Variants in RETREG1 observed in about 807,000 individuals in gnomAD.
RETREG1 encodes the protein family with sequence similarity 134 member B.
A neutral mutation model predicts 54.8 loss-of-function variants in RETREG1; 44 were observed. That is an observed-to-expected ratio of 0.80 (90% CI 0.63 to 1.03). The LOEUF is 1.03. Among genes scored for constraint, RETREG1 ranks in the 50% least tolerant of loss-of-function variants. The pLI is 0.00. For synonymous variants in RETREG1, 217 were observed against 238.5 expected (o/e 0.91, Z 0.83); for missense variants, 554 against 605.1 (o/e 0.92, Z 0.89).
At position 16,561,755 on chromosome 5, in the gene RETREG1, A is replaced by G. The variant is rs1741862685; in HGVS notation, c.458+4008T>C. On this transcript the variant is annotated intron_variant, in intron 3 of 8. Transcript: ENST00000306320. The surrounding 1 kb of genome is among the most constrained non-coding windows in gnomAD (Gnocchi z 4.2). Reference sequence around the variant, plus strand: ...TAAACACTCAAACAGCTTCTGTATTAAGAGACAGCACAGCAGAAATTCTCA... The same window carrying G: ...TAAACACTCAAACAGCTTCTGTATTGAGAGACAGCACAGCAGAAATTCTCA... Among the ~76,000 whole-genome samples, 1 of 152,206 alleles carries G rather than the reference A, an allele frequency of 6.6e-6. No homozygotes were observed. Among genetic ancestry groups the G allele is most frequent in the Admixed American group, 6.5e-5 (1 of 15,284 alleles).
chr5:16,573,742 G>GTTTTTT (rs34651832), intron 1 of RETREG1, among the ~76,000 whole-genome samples: 6 of 126,530 alleles, frequency 4.7e-5, no homozygotes, highest in African/African-American at 1.5e-4. Flanking sequence ...TTTGTTTTTT[G>GTTTTTT]TTTTTTTTTT....
chr5:16,552,940 C>T (rs1741585034), intron 3 of RETREG1, among the ~76,000 whole-genome samples: 1 of 152,154 alleles, frequency 6.6e-6, no homozygotes. Flanking sequence ...GGCAGCCAGC[C>T]CTAGAACAGG....
intron 1 of RETREG1, among the ~76,000 whole-genome samples, chr5:16,610,172 C>A (rs1042425248): frequency 2.0e-5 from 3 of 152,178 alleles, no homozygotes; most frequent in Non-Finnish European, 4.4e-5. Context: ...TTGAACCCTG[C>A]AACCTTCCAA....
In RETREG1 at chr5:16,611,784, G is replaced by A. The variant is rs577291086; in HGVS notation, c.320+4868C>T. ...CAGAGATGAATCACAAAACTACGCT[G>A]AGTAAGCAAAGCCAGACACAAAAGA... On this transcript the variant is annotated intron_variant, in intron 1 of 8. Coordinates refer to ENST00000306320, the MANE Select transcript of RETREG1 (RefSeq NM_001034850.3). Among the ~76,000 whole-genome samples the A allele has an allele frequency of 2.0e-5, 3 of 152,322 alleles. No individual in the cohort carries two copies. The South Asian group carries it at 6.2e-4, about 32-fold the overall frequency.
At chr5:16,510,803 GAACAAC>G (rs1380194626) in intron 3 of RETREG1, among the ~76,000 whole-genome samples, 5 of 73,500 alleles carry the variant, frequency 6.8e-5, no homozygotes, top group African/African-American at 2.6e-4. Flanking sequence ...AAAACAACAA[GAACAAC>G]AACAACAACA....
chr5:16,562,620 G>A (rs1741888793), intron 3 of RETREG1, among the ~76,000 whole-genome samples: 1 of 152,120 alleles, frequency 6.6e-6, no homozygotes, highest in Non-Finnish European at 1.5e-5. Context: ...TTGTACCCTT[G>A]ATAGGATGAT....
At chr5:16,596,403 T>G (rs1008128777) in intron 1 of RETREG1, among the ~76,000 whole-genome samples, 5 of 152,148 alleles carry the variant, frequency 3.3e-5, no homozygotes, top group Non-Finnish European at 7.3e-5. Context: ...GCAAAACACA[T>G]GCAAAAGCTG....
intron 1 of RETREG1, among the ~76,000 whole-genome samples, chr5:16,611,243 A>G (rs1329278532): frequency 2.0e-5 from 3 of 152,122 alleles, no homozygotes; most frequent in Non-Finnish European, 4.4e-5. Flanking sequence ...ATCACACACC[A>G]GGGCCTGTCA....
At chr5:16,512,897 AG>A (rs1740223657) in intron 3 of RETREG1, among the ~76,000 whole-genome samples, 1 of 152,090 alleles carries the variant, frequency 6.6e-6, no homozygotes, top group Non-Finnish European at 1.5e-5. Flanking sequence ...CGGGATTCAA[AG>A]TAGACCTCTA....
chr5:16,565,518 CAT>C (rs1741980647), intron 3 of RETREG1, among the ~76,000 whole-genome samples: 2 of 152,134 alleles, frequency 1.3e-5, no homozygotes, highest in African/African-American at 4.8e-5. Flanking sequence ...AATCCTCACA[CAT>C]GATTCTCACA....
chr5:16,580,975 C>G (rs1317330378), intron 1 of RETREG1, among the ~76,000 whole-genome samples: 2 of 152,188 alleles, frequency 1.3e-5, no homozygotes, highest in Non-Finnish European at 2.9e-5. Flanking sequence ...GCTGAATGCA[C>G]CACATTGCTG....
At chr5:16,573,105 C>T (rs1478343033) in intron 1 of RETREG1, among the ~76,000 whole-genome samples, 1 of 137,334 alleles carries the variant, frequency 7.3e-6, no homozygotes, top group Non-Finnish European at 1.5e-5. Context: ...TCACTTGAAC[C>T]TGGGAGGCGG....
At chr5:16,578,422 C>T (rs1742394493) in intron 1 of RETREG1, among the ~76,000 whole-genome samples, 1 of 152,122 alleles carries the variant, frequency 6.6e-6, no homozygotes, top group Non-Finnish European at 1.5e-5. Flanking sequence ...CAAAATTTTT[C>T]TTTAAAAAGT....
chr5:16,528,340 G>T (rs1290418041), intron 3 of RETREG1, among the ~76,000 whole-genome samples: 1 of 151,952 alleles, frequency 6.6e-6, no homozygotes, highest in Non-Finnish European at 1.5e-5. Context: ...ATTCACATGA[G>T]TAAAAAAAAT....
intron 3 of RETREG1, among the ~76,000 whole-genome samples, chr5:16,522,747 G>A (rs1281937398): frequency 6.6e-6 from 1 of 152,130 alleles, no homozygotes; most frequent in Non-Finnish European, 1.5e-5. Flanking sequence ...GCTCATGTCT[G>A]TAATCCCAAC....
Position 16,474,669 on chromosome 5 carries a change from C to CTTTTTTTTTTTTTTTTTT in RETREG1, c.*71_*72insAAAAAAAAAAAAAAAAAA. ...CTTACAGTTCAATTTTTTTCTTTTC[C>CTTTTTTTTTTTTTTTTTT]TTTTTTTTTTTTTTTTCTTGTTTGA... On this transcript the variant is annotated 3_prime_UTR_variant, in exon 9 of 9. Transcript: ENST00000306320. 3 of 1,264,830 alleles carry CTTTTTTTTTTTTTTTTTT rather than the reference C, an allele frequency of 2.4e-6. No homozygotes were observed. Among genetic ancestry groups the CTTTTTTTTTTTTTTTTTT allele is most frequent in the South Asian group, 1.5e-5 (1 of 67,744 alleles). 78.4% of individuals were successfully genotyped at this position (1,264,830 alleles called of 1,614,324 possible).
At chr5:16,529,401 G>A (rs529822110) in intron 3 of RETREG1, among the ~76,000 whole-genome samples, 2 of 152,294 alleles carry the variant, frequency 1.3e-5, no homozygotes, top group African/African-American at 4.8e-5. Context: ...TAAGTTTCTG[G>A]AAAAGATTGC....
At chr5:16,475,870 G>C (rs891066844) in intron 8 of RETREG1, among the ~76,000 whole-genome samples, 1 of 152,106 alleles carries the variant, frequency 6.6e-6, no homozygotes, top group Admixed American at 6.6e-5. Context: ...ACATTAGAAG[G>C]CTAATAGATT....
intron 1 of RETREG1, among the ~76,000 whole-genome samples, chr5:16,608,298 G>A (rs1487389947): frequency 2.6e-5 from 4 of 151,930 alleles, no homozygotes; most frequent in East Asian, 1.9e-4. Flanking sequence ...ATGTGGATCC[G>A]GCAACCCAAG....
Sources: gnomAD v4.1 joint callset for allele counts (sites outside exome capture counted in the v4.1 genomes callset) on GRCh38, gnomAD v4.1.1 for gene constraint, Gnocchi (gnomAD v3.1) non-coding constraint, MANE v1.5 for transcripts, NCBI Gene and HGNC (gene_info 2026-07-23, HGNC 2026-07-21) for gene names.